Variants in HECW1 observed in about 807,000 individuals in gnomAD.
The protein encoded by HECW1 is E3 ubiquitin-protein ligase HECW1.
HECW1 carries 61 observed loss-of-function variants against 182.3 expected under a neutral mutation model. That is an observed-to-expected ratio of 0.33 (90% CI 0.27 to 0.41). The LOEUF (loss-of-function observed/expected upper bound fraction) is 0.41. Among genes scored for constraint, HECW1 ranks in the 10% least tolerant of loss-of-function variants. HECW1 has a pLI of 1.00. For missense variants in HECW1, 1,739 were observed against 2,108.9 expected (o/e 0.82, Z 3.44); for synonymous variants, 859 against 832.6 (o/e 1.03, Z -0.55).
chr7:43,360,951 A>G lies in HECW1; in HGVS notation c.526A>G (p.Ser176Gly), dbSNP rs1815801076. 6.2e-7 allele frequency: 1 copy of G among 1,612,964 alleles called. No homozygotes were observed. Among genetic ancestry groups the G allele is most frequent in the East Asian group, 2.2e-5 (1 of 44,878 alleles). Reference sequence around the variant, plus strand: ...TGGGGCCCTGCGAGCAACCACCCCCAGTGTCACGGTCAAAAACTCGGCAGC... The same window carrying G: ...TGGGGCCCTGCGAGCAACCACCCCCGGTGTCACGGTCAAAAACTCGGCAGC... ...VSGALRATTP[S>G]VTVKNSAAPI... The change falls in exon 6 of 30, where the codon AGT (serine) becomes GGT (glycine). Residue 176 changes from serine to glycine, a missense_variant. By Grantham distance (56) the Ser-to-Gly change is moderately conservative (BLOSUM62 0). This residue lies in a region of HECW1 where 279 missense variants were observed against 353.1 expected (regional missense o/e 0.79). Coordinates refer to ENST00000395891, the MANE Select transcript of HECW1 (RefSeq NM_015052.5).
At chr7:43,355,096 G>T (rs1226186480) in intron 5 of HECW1, among the ~76,000 whole-genome samples, 2 of 149,316 alleles carry the variant, frequency 1.3e-5, no homozygotes, top group Non-Finnish European at 3.0e-5. Context: ...ATACAGAAAA[G>T]AGATAAATTA....
chr7:43,197,557 C>T (rs1197810392), intron 2 of HECW1, among the ~76,000 whole-genome samples: 1 of 152,170 alleles, frequency 6.6e-6, no homozygotes, highest in South Asian at 2.1e-4. Context: ...TAACCTTCTA[C>T]AGCTCCCCCA....
chr7:43,225,678 C>A (rs377616985), intron 2 of HECW1, among the ~76,000 whole-genome samples: 1 of 152,078 alleles, frequency 6.6e-6, no homozygotes, highest in South Asian at 2.1e-4. Context: ...TGAAACTATT[C>A]ATGCTACCAA....
At chr7:43,345,551 C>G (rs1048767375) in intron 5 of HECW1, among the ~76,000 whole-genome samples, 14 of 152,056 alleles carry the variant, frequency 9.2e-5, no homozygotes, top group Admixed American at 2.0e-4. Context: ...TACACCACAA[C>G]ATACCTGTAG....
chr7:43,501,945 G>A (rs1397698164), intron 21 of HECW1, among the ~76,000 whole-genome samples: 1 of 152,164 alleles, frequency 6.6e-6, no homozygotes, highest in African/African-American at 2.4e-5. Context: ...AGTGTAATTG[G>A]ACCTCAGCCA....
chr7:43,408,172 GA>G (rs972825620), intron 8 of HECW1, among the ~76,000 whole-genome samples: 6 of 152,116 alleles, frequency 3.9e-5, no homozygotes, highest in African/African-American at 1.4e-4. Context: ...TGGGATAGGT[GA>G]ATCAGTAAGC....
chr7:43,259,688 T>C (rs1800966621), intron 3 of HECW1, among the ~76,000 whole-genome samples: 1 of 152,146 alleles, frequency 6.6e-6, no homozygotes, highest in Non-Finnish European at 1.5e-5. Context: ...AATAATGGAT[T>C]GAATAGGCTT....
intron 16 of HECW1, among the ~76,000 whole-genome samples, chr7:43,477,538 A>G (rs2152905412): frequency 6.6e-6 from 1 of 152,182 alleles, no homozygotes; most frequent in African/African-American, 2.4e-5. Context: ...TTTTGACGTC[A>G]CTAGTGTCAT....
intron 2 of HECW1, among the ~76,000 whole-genome samples, chr7:43,182,746 T>C (rs1792992783): frequency 1.1e-5 from 1 of 88,080 alleles, no homozygotes; most frequent in Admixed American, 1.2e-4. Flanking sequence ...TGTAGATCAC[T>C]TTTGGTAGTA....
rs2082225930 is a variant in HECW1 at position 43,562,167 on chromosome 7, A to T, written c.*241A>T. 2 of 451,010 alleles carry T rather than the reference A, an allele frequency of 4.4e-6. No individual in the cohort carries two copies. The highest frequency in any genetic ancestry group is 4.0e-5 in the Admixed American group (1 of 25,198). The allele number at this position is 451,010 out of a possible 1,614,324, so 27.9% of individuals were successfully genotyped here. ...GCTAGCCTGTATGCAATATTAAAAA[A>T]CAGCTGTCTCAAGGTCTGTGTATAT... On this transcript the variant is annotated 3_prime_UTR_variant, in exon 30 of 30. Transcript: ENST00000395891.
chr7:43,548,159 T>C (rs1249176894), intron 26 of HECW1, among the ~76,000 whole-genome samples: 1 of 152,250 alleles, frequency 6.6e-6, no homozygotes, highest in African/African-American at 2.4e-5. Flanking sequence ...AACTTTTTAA[T>C]AATAGATTTG....
intron 2 of HECW1, among the ~76,000 whole-genome samples, chr7:43,149,282 C>T (rs543494824): frequency 3.5e-4 from 53 of 152,160 alleles, no homozygotes; most frequent in Non-Finnish European, 7.2e-4. Flanking sequence ...ATATCACCTC[C>T]AGATATGATG....
chr7:43,519,561 A>G (rs1218532908), intron 24 of HECW1, among the ~76,000 whole-genome samples: 1 of 152,154 alleles, frequency 6.6e-6, no homozygotes, highest in African/African-American at 2.4e-5. Context: ...GACTTTTAAA[A>G]GCTATGCTGG....
At chr7:43,530,988 G>A (rs981273807) in intron 24 of HECW1, among the ~76,000 whole-genome samples, 2 of 152,116 alleles carry the variant, frequency 1.3e-5, no homozygotes, top group South Asian at 4.1e-4. Flanking sequence ...TGAACTTGTT[G>A]GCATGGAAAA....
At chr7:43,278,916 C>T (rs893091728) in intron 3 of HECW1, among the ~76,000 whole-genome samples, 3 of 152,178 alleles carry the variant, frequency 2.0e-5, no homozygotes, top group African/African-American at 7.2e-5. Context: ...TTTGTAGTCT[C>T]CTCCCCATTA....
intron 6 of HECW1, among the ~76,000 whole-genome samples, chr7:43,374,067 T>C (rs1428791376): frequency 6.6e-6 from 1 of 152,228 alleles, no homozygotes; most frequent in Non-Finnish European, 1.5e-5. Context: ...TTGCTTGATA[T>C]AGGTATTTCT....
rs148661238 is a variant in HECW1 at position 43,360,683 on chromosome 7, A to G, written c.461-203A>G. ...GACTTAACTTGGATACAAAAATGTT[A>G]AGGCCAGAACAATTTTTCATGTCAC... On this transcript the variant is annotated intron_variant, in intron 5 of 29. Transcript: ENST00000395891. 4.7e-3 allele frequency among the ~76,000 whole-genome samples: 711 copies of G among 152,310 alleles called. 19 individuals are homozygous for G. The highest frequency in any genetic ancestry group is 3.7e-3 in the East Asian group (19 of 5,186).
intron 5 of HECW1, 115 bp downstream of exon 5, chr7:43,320,857 G>C: frequency 1.3e-6 from 1 of 766,786 alleles, no homozygotes; most frequent in Non-Finnish European, 2.3e-6. Flanking sequence ...CTCTAAAAGA[G>C]AGGTGTAGAT....
At chr7:43,310,386 T>C (rs1203679446) in intron 3 of HECW1, among the ~76,000 whole-genome samples, 1 of 152,228 alleles carries the variant, frequency 6.6e-6, no homozygotes, top group African/African-American at 2.4e-5. Context: ...ATTTTCATAC[T>C]GCTATAGTGA....
Sources: allele counts gnomAD v4.1 joint callset (sites outside exome capture counted in the v4.1 genomes callset), GRCh38; gene constraint gnomAD v4.1.1; regional missense constraint gnomAD v4.1.1; transcripts MANE v1.5; gene names NCBI Gene and HGNC (gene_info 2026-07-23, HGNC 2026-07-21).